Variants in WWP1 observed in about 807,000 individuals in gnomAD.
WWP1 encodes the protein NEDD4-like E3 ubiquitin-protein ligase WWP1.
WWP1 carries 49 observed loss-of-function variants against 130.6 expected under a neutral mutation model. The ratio of observed to expected loss-of-function variants is 0.38; its 90% CI spans 0.30 to 0.48. WWP1 has a LOEUF of 0.48. Among genes scored for constraint, WWP1 ranks in the 20% least tolerant of loss-of-function variants. The pLI is 0.99. For missense variants in WWP1, 809 were observed against 1,100.6 expected, an observed-to-expected ratio of 0.74 and a Z score of 3.75; for synonymous variants, 332 against 367.8, an observed-to-expected ratio of 0.90 and a Z score of 1.11.
intron 5 of WWP1, among the ~76,000 whole-genome samples, chr8:86,382,172 T>A (rs916477367): frequency 7.9e-5 from 12 of 152,192 alleles, no homozygotes; most frequent in African/African-American, 2.9e-4. Flanking sequence ...TTTTTTGCTT[T>A]GCATCTACTA....
At chr8:86,372,017 ATTTTTTTTTT>A (rs34458424) in intron 2 of WWP1, among the ~76,000 whole-genome samples, 5 of 70,216 alleles carry the variant, frequency 7.1e-5, no homozygotes, top group African/African-American at 1.8e-4. Flanking sequence ...TAATTTTTGT[ATTTTTTTTTT>A]TTTTTTTTTT....
intron 20 of WWP1, among the ~76,000 whole-genome samples, chr8:86,451,214 TAAAAAAA>T (rs61141803): frequency 1.1e-4 from 5 of 43,642 alleles, no homozygotes; most frequent in Admixed American, 7.2e-4. Flanking sequence ...CCTATGTTAT[TAAAAAAA>T]AAAAAAAAAA....
At chr8:86,420,103 T>C (rs954439262) in intron 9 of WWP1, among the ~76,000 whole-genome samples, 1 of 152,080 alleles carries the variant, frequency 6.6e-6, no homozygotes, top group African/African-American at 2.4e-5. Context: ...CAAAACTGGG[T>C]AGTGAAAGTA....
At chr8:86,347,117 T>G (rs1418185055) in intron 1 of WWP1, among the ~76,000 whole-genome samples, 1 of 152,094 alleles carries the variant, frequency 6.6e-6, no homozygotes, top group Non-Finnish European at 1.5e-5. Context: ...CCCAAGTACT[T>G]GGGACTACAG....
chr8:86,362,180 A>ATAT (rs1554554023), intron 1 of WWP1, among the ~76,000 whole-genome samples: 17 of 127,660 alleles, frequency 1.3e-4, no homozygotes, highest in South Asian at 4.8e-4. Context: ...ATATATATAT[A>ATAT]TATATATATA....
chr8:86,379,705 G>A (rs1191028893), intron 3 of WWP1, among the ~76,000 whole-genome samples: 2 of 152,250 alleles, frequency 1.3e-5, no homozygotes, highest in Non-Finnish European at 2.9e-5. Context: ...GCTTTTATTT[G>A]AAAATGCAAA....
intron 5 of WWP1, among the ~76,000 whole-genome samples, chr8:86,382,282 A>T (rs1276003422): frequency 6.6e-6 from 1 of 152,164 alleles, no homozygotes; most frequent in Non-Finnish European, 1.5e-5. Context: ...TTAGAGTTTA[A>T]TTATTTGTAA....
chr8:86,448,598 T>G, intron 20 of WWP1, 85 bp downstream of exon 20: 1 of 1,330,012 alleles, frequency 7.5e-7, no homozygotes, highest in South Asian at 1.8e-5. Flanking sequence ...TCATCCCCTT[T>G]TCATGCCTTT....
chr8:86,425,609 T>TTATATG (rs972253808), intron 10 of WWP1, among the ~76,000 whole-genome samples: 2 of 152,118 alleles, frequency 1.3e-5, no homozygotes, highest in African/African-American at 4.8e-5. Flanking sequence ...TTAGGACAGT[T>TTATATG]TATATGTATG....
At chr8:86,353,396 G>A (rs1036131426) in intron 1 of WWP1, among the ~76,000 whole-genome samples, 3 of 152,108 alleles carry the variant, frequency 2.0e-5, no homozygotes, top group Non-Finnish European at 2.9e-5. Context: ...TGCTATGTTA[G>A]TAATTTTGTG....
At chr8:86,466,552 TA>T (rs777645430) in intron 24 of WWP1, among the ~76,000 whole-genome samples, 26 of 149,148 alleles carry the variant, frequency 1.7e-4, no homozygotes, top group African/African-American at 6.4e-4. Context: ...TTTTTTTTTT[TA>T]AATTTGTCTT....
intron 1 of WWP1, among the ~76,000 whole-genome samples, chr8:86,360,068 C>CA (rs751631392): frequency 0.046 from 6,049 of 131,412 alleles, 177 homozygotes; most frequent in South Asian, 0.077. Flanking sequence ...AAACAAAAAA[C>CA]AAAAAAAAAA....
At chr8:86,419,077 AT>A (rs1331343912) in intron 9 of WWP1, among the ~76,000 whole-genome samples, 3 of 152,150 alleles carry the variant, frequency 2.0e-5, no homozygotes, top group African/African-American at 7.2e-5. Flanking sequence ...AAACCTCTTA[AT>A]TTGAAAGATA....
intron 1 of WWP1, among the ~76,000 whole-genome samples, chr8:86,367,148 T>C (rs1824020271): frequency 6.6e-6 from 1 of 152,248 alleles, no homozygotes; most frequent in Admixed American, 6.5e-5. Context: ...ATCTTGTTAC[T>C]GAGTTTTTTT....
At chr8:86,373,948 T>G (rs912554250) in intron 2 of WWP1, 82 bp from the exon 3 acceptor site, 10 of 1,021,182 alleles carry the variant, frequency 9.8e-6, no homozygotes, top group Non-Finnish European at 1.4e-5. Context: ...ACTTCTTAGT[T>G]GATTTAAACA....
chr8:86,437,975 A>G (rs1388557704), intron 16 of WWP1, among the ~76,000 whole-genome samples: 1 of 151,716 alleles, frequency 6.6e-6, no homozygotes, highest in Non-Finnish European at 1.5e-5. Flanking sequence ...AACTTTTTGT[A>G]TTTTTTAGTA....
intron 24 of WWP1, among the ~76,000 whole-genome samples, chr8:86,464,030 C>T (rs1292439186): frequency 6.6e-6 from 1 of 151,942 alleles, no homozygotes; most frequent in Non-Finnish European, 1.5e-5. Context: ...CACTGCACTC[C>T]AGTCTGGGTG....
intron 8 of WWP1, among the ~76,000 whole-genome samples, chr8:86,407,319 A>C (rs1004010984): frequency 6.6e-6 from 1 of 152,052 alleles, no homozygotes; most frequent in Non-Finnish European, 1.5e-5. Context: ...TTATTTTGCA[A>C]CTACCATAGG....
rs1316103754 is a variant in WWP1, at chr8:86,398,659, A to G, written c.539+21A>G. 4 of 1,609,188 alleles carry G rather than the reference A, an allele frequency of 2.5e-6. No homozygotes were observed. In the East Asian group the frequency reaches 6.7e-5, roughly 27 times the overall value. On this transcript the variant is annotated intron_variant, in intron 7 of 24. Coordinates refer to ENST00000517970, the MANE Select transcript of WWP1 (RefSeq NM_007013.4). ...GCCAGGTAGAATATTTTATTTGAAT[A>G]TGGGTGGCGACATGATGTGGAACAT...
Sources: allele counts gnomAD v4.1 joint callset (sites outside exome capture counted in the v4.1 genomes callset), GRCh38; gene constraint gnomAD v4.1.1; transcripts MANE v1.5; gene names NCBI Gene and HGNC (gene_info 2026-07-23, HGNC 2026-07-21).